Variants in KLHL20 observed in about 807,000 individuals in gnomAD.
KLHL20 encodes the protein kelch-like protein 20.
KLHL20 carries 29 observed loss-of-function variants against 69.5 expected under a neutral mutation model. That is an observed-to-expected ratio of 0.42 (90% CI 0.31 to 0.57). The LOEUF is 0.57. Among genes scored for constraint, KLHL20 ranks in the 20% least tolerant of loss-of-function variants. The pLI, the probability that KLHL20 is intolerant of heterozygous loss-of-function variation, is 0.18. For synonymous variants in KLHL20, 253 were observed against 265.2 expected (o/e 0.95, Z 0.45); for missense variants, 419 against 776.0 (o/e 0.54, Z 5.47).
At chr1:173,732,319 A>T (rs1376356200) in intron 2 of KLHL20, among the ~76,000 whole-genome samples, 6 of 151,988 alleles carry the variant, frequency 3.9e-5, no homozygotes, top group Admixed American at 2.6e-4. Context: ...CTCAAAAATT[A>T]AAAAAAATCA....
At chr1:173,730,270 A>G (rs1198968412) in intron 2 of KLHL20, among the ~76,000 whole-genome samples, 4 of 152,160 alleles carry the variant, frequency 2.6e-5, no homozygotes, top group Non-Finnish European at 5.9e-5. Flanking sequence ...GGAAGAATCA[A>G]TATCATGAAA....
chr1:173,729,978 T>G (rs1672179505), intron 2 of KLHL20, among the ~76,000 whole-genome samples: 1 of 152,214 alleles, frequency 6.6e-6, no homozygotes, highest in African/African-American at 2.4e-5. Flanking sequence ...CCCCATCATC[T>G]CAGCCCCAAA....
rs1381620784 is a variant in KLHL20, at chr1:173,738,468, T to A, written c.597+4182T>A. On this transcript the variant is annotated intron_variant, in intron 3 of 11. Transcript: ENST00000209884. ...TACAGGCATGAGCCACTGCACCTGGTCCTGGATGCCCTTTATTTCTTTCTC... is the reference window on the plus strand; with the variant it reads ...TACAGGCATGAGCCACTGCACCTGGACCTGGATGCCCTTTATTTCTTTCTC... Among the ~76,000 whole-genome samples, 5 of 152,140 alleles carry A rather than the reference T, an allele frequency of 3.3e-5. No individual in the cohort carries two copies. In the East Asian group the frequency reaches 9.7e-4, roughly 29 times the overall value.
chr1:173,730,746 T>A (rs1444429530), intron 2 of KLHL20, among the ~76,000 whole-genome samples: 2 of 152,024 alleles, frequency 1.3e-5, no homozygotes, highest in Non-Finnish European at 2.9e-5. Context: ...CTTAAATATT[T>A]GACCTAAAAC....
chr1:173,785,956 G>A lies in KLHL20; in HGVS notation c.*709G>A, dbSNP rs1207455523. 1 of 152,000 alleles carries A rather than the reference G, an allele frequency of 6.6e-6. No homozygotes were observed. Among genetic ancestry groups the A allele is most frequent in the Non-Finnish European group, 1.5e-5 (1 of 68,002 alleles). 9.4% of individuals were successfully genotyped at this position (152,000 alleles called of 1,614,324 possible). A position where few individuals can be genotyped will look rare whatever the true frequency, so the allele number is the denominator to read the frequency against. ...GAGTTTCTGCTAGATCTAGAGCTCT[G>A]CTCAGTGCCTCTTATAAAAACAATA... On this transcript the variant is annotated 3_prime_UTR_variant, in exon 12 of 12. Transcript: ENST00000209884.
At chr1:173,731,922 G>A (rs1005459098) in intron 2 of KLHL20, among the ~76,000 whole-genome samples, 1 of 152,182 alleles carries the variant, frequency 6.6e-6, no homozygotes, top group East Asian at 1.9e-4. Flanking sequence ...TAACGGCTGG[G>A]CACAGTGGCT....
intron 2 of KLHL20, among the ~76,000 whole-genome samples, chr1:173,719,478 G>A (rs775740523): frequency 3.9e-5 from 6 of 152,100 alleles, no homozygotes; most frequent in Non-Finnish European, 8.8e-5. Context: ...GGGCATGGTG[G>A]TGCGTGCCTG....
At chr1:173,783,955 T>C (rs531734343) in intron 11 of KLHL20, among the ~76,000 whole-genome samples, 16 of 152,014 alleles carry the variant, frequency 1.1e-4, no homozygotes, top group African/African-American at 3.6e-4. Flanking sequence ...AGCGCACGCC[T>C]GTAATCCCAG....
intron 5 of KLHL20, among the ~76,000 whole-genome samples, chr1:173,754,564 A>G (rs994756954): frequency 6.6e-6 from 1 of 150,926 alleles, no homozygotes; most frequent in African/African-American, 2.5e-5. Flanking sequence ...AGCCTGGGCA[A>G]CAAAAGTGAA....
chr1:173,774,407 T>C lies in KLHL20; in HGVS notation c.1398T>C (p.Gly466=), dbSNP rs1328364767. The change falls in exon 9 of 12, where the codon GGT becomes GGC. Residue 466 remains glycine (G), a synonymous_variant. Transcript: ENST00000209884. The stretch of plus-strand genomic sequence containing the variant: ...TAGGAGGGTTCTTATATGCTGTAGG[T>C]GGCTCTGACGGGACATCTCCTCTCA... ...AVLGGFLYAV[G]GSDGTSPLNT... is the part of the protein sequence containing the mutation. 9 of 1,613,986 alleles carry C rather than the reference T, an allele frequency of 5.6e-6. No individual in the cohort carries two copies. In the South Asian group the frequency reaches 9.9e-5, roughly 18 times the overall value.
chr1:173,774,157 TA>T, intron 8 of KLHL20, 147 bp from the exon 9 acceptor site: 1 of 909,782 alleles, frequency 1.1e-6, no homozygotes, highest in Non-Finnish European at 1.7e-6. Context: ...GACGTTTTTC[TA>T]ATGACTAAGT....
intron 3 of KLHL20, among the ~76,000 whole-genome samples, chr1:173,744,602 C>T (rs2102488742): frequency 6.6e-6 from 1 of 152,208 alleles, no homozygotes; most frequent in East Asian, 1.9e-4. Flanking sequence ...TTTTTTCTAG[C>T]ATGTAAATGG....
intron 3 of KLHL20, among the ~76,000 whole-genome samples, chr1:173,737,390 G>T (rs957705052): frequency 1.3e-5 from 2 of 152,162 alleles, no homozygotes; most frequent in Non-Finnish European, 2.9e-5. Flanking sequence ...TCTTGAGTTG[G>T]TTTTTGTATA....
At chr1:173,773,236 T>G (rs2102529889) in intron 8 of KLHL20, among the ~76,000 whole-genome samples, 1 of 151,292 alleles carries the variant, frequency 6.6e-6, no homozygotes. Flanking sequence ...CCTTCCAGAG[T>G]GCTGGGATTA....
chr1:173,780,718 G>A (rs1035220968), intron 10 of KLHL20, among the ~76,000 whole-genome samples: 35 of 151,792 alleles, frequency 2.3e-4, no homozygotes, highest in African/African-American at 8.0e-4. Flanking sequence ...TGGAAGCTAC[G>A]GTGAACTGTT....
intron 8 of KLHL20, 80 bp downstream of exon 8, chr1:173,766,369 G>A: frequency 7.5e-7 from 1 of 1,335,704 alleles, no homozygotes. Flanking sequence ...TACAGGTTGG[G>A]CGTGGTGGCT....
At chr1:173,762,392 A>C (rs1214745634) in intron 7 of KLHL20, among the ~76,000 whole-genome samples, 2 of 152,220 alleles carry the variant, frequency 1.3e-5, no homozygotes, top group African/African-American at 4.8e-5. Context: ...TGAAGCCAGC[A>C]TCACCCTAAT....
intron 3 of KLHL20, among the ~76,000 whole-genome samples, chr1:173,738,720 C>G (rs896871947): frequency 6.6e-6 from 1 of 152,150 alleles, no homozygotes; most frequent in Non-Finnish European, 1.5e-5. Context: ...TAGATTTTGT[C>G]AAATGCTTTT....
Position 173,741,868 on chromosome 1 carries a change from A to G in KLHL20, c.597+7582A>G, listed in dbSNP as rs1571880355. 7.6e-6 allele frequency: 12 copies of G among 1,579,854 alleles called. No individual in the cohort carries two copies. In the East Asian group the frequency reaches 2.5e-4, roughly 33 times the overall value. ...GTTGGCTGCTCCACTGTCCTCTGCCAGCCTACAGGAGGAAAAGCAAGGCTT... is the reference window on the plus strand; with the variant it reads ...GTTGGCTGCTCCACTGTCCTCTGCCGGCCTACAGGAGGAAAAGCAAGGCTT... On this transcript the variant is annotated intron_variant, in intron 3 of 11. Coordinates refer to ENST00000209884, the MANE Select transcript of KLHL20 (RefSeq NM_014458.4).
Sources: allele counts gnomAD v4.1 joint callset (sites outside exome capture counted in the v4.1 genomes callset), GRCh38; gene constraint gnomAD v4.1.1; transcripts MANE v1.5; gene names NCBI Gene and HGNC (gene_info 2026-07-23, HGNC 2026-07-21).